CAMKMT: variants seen among roughly 807,000 people sequenced by gnomAD.
CAMKMT encodes the protein CaM KMT.
In CAMKMT, 53 loss-of-function variants were observed where a neutral mutation model predicts 48.0. That is an observed-to-expected ratio of 1.10 (90% confidence interval 0.89 to 1.39). The LOEUF is 1.39. CAMKMT is among the 40% of genes most tolerant of loss of function. The probability of loss-of-function intolerance (pLI) is 0.00; values close to 1 mark genes in which losing one functional copy is unlikely to be tolerated. For synonymous variants in CAMKMT, 165 were observed against 152.3 expected, an observed-to-expected ratio of 1.08 and a Z score of -0.61; for missense variants, 428 against 402.7, an observed-to-expected ratio of 1.06 and a Z score of -0.54.
chr2:44,632,535 T>C (rs1446785783), intron 3 of CAMKMT, among the ~76,000 whole-genome samples: 1 of 152,196 alleles, frequency 6.6e-6, no homozygotes, highest in East Asian at 1.9e-4. Flanking sequence ...ACTTTTTTTG[T>C]GTGACAAGAG....
At chr2:44,492,572 C>T (rs1206286588) in intron 3 of CAMKMT, among the ~76,000 whole-genome samples, 3 of 152,092 alleles carry the variant, frequency 2.0e-5, no homozygotes, top group Non-Finnish European at 4.4e-5. Context: ...ACTAATAGGG[C>T]AAAAGCACTA....
At chr2:44,765,620 T>C (rs1013236714) in intron 9 of CAMKMT, among the ~76,000 whole-genome samples, 6 of 151,910 alleles carry the variant, frequency 3.9e-5, no homozygotes, top group Non-Finnish European at 7.4e-5. Context: ...AGTTAGCAAA[T>C]GGTCATTGTG....
intron 4 of CAMKMT, chr2:44,705,500 C>T (rs1677504686): frequency 1.0e-6 from 1 of 985,258 alleles, no homozygotes; most frequent in Admixed American, 6.2e-5. Context: ...GCGAGAATGT[C>T]ACACGTTAAG....
intron 3 of CAMKMT, among the ~76,000 whole-genome samples, chr2:44,486,538 T>C (rs1014047163): frequency 6.6e-6 from 1 of 152,200 alleles, no homozygotes; most frequent in African/African-American, 2.4e-5. Flanking sequence ...CACAAACTCA[T>C]AGTGTGTACT....
intron 3 of CAMKMT, among the ~76,000 whole-genome samples, chr2:44,564,551 T>C (rs1050771164): frequency 2.0e-5 from 3 of 151,938 alleles, no homozygotes; most frequent in Non-Finnish European, 4.4e-5. Context: ...GTTTGTTTGT[T>C]TGTTTGTTTT....
chr2:44,406,817 G>T (rs749582687), intron 3 of CAMKMT, among the ~76,000 whole-genome samples: 2 of 152,146 alleles, frequency 1.3e-5, no homozygotes, highest in Non-Finnish European at 2.9e-5. Context: ...CAGCCAGGCT[G>T]GTCTAGAACT....
chr2:44,693,613 T>C (rs1676777838), intron 3 of CAMKMT, among the ~76,000 whole-genome samples: 1 of 152,240 alleles, frequency 6.6e-6, no homozygotes, highest in African/African-American at 2.4e-5. Flanking sequence ...CGAAACATTG[T>C]AGATGCCCAA....
At chr2:44,733,824 TC>T (rs1309765275) in intron 7 of CAMKMT, among the ~76,000 whole-genome samples, 2 of 152,186 alleles carry the variant, frequency 1.3e-5, no homozygotes, top group African/African-American at 4.8e-5. Flanking sequence ...ATATGTATGT[TC>T]ATATGTATAT....
chr2:44,530,463 C>T (rs1295395096), intron 3 of CAMKMT, among the ~76,000 whole-genome samples: 2 of 152,130 alleles, frequency 1.3e-5, no homozygotes, highest in Non-Finnish European at 2.9e-5. Flanking sequence ...CTTCTAAAAG[C>T]ATTGTTTAAC....
At chr2:44,739,909 G>C (rs1679578038) in intron 7 of CAMKMT, among the ~76,000 whole-genome samples, 1 of 152,132 alleles carries the variant, frequency 6.6e-6, no homozygotes, top group African/African-American at 2.4e-5. Context: ...GAAAAGAACT[G>C]ATATAGGAAA....
chr2:44,568,824 C>T (rs1668753233), intron 3 of CAMKMT, among the ~76,000 whole-genome samples: 1 of 152,142 alleles, frequency 6.6e-6, no homozygotes, highest in African/African-American at 2.4e-5. Context: ...GGTGTGGGTT[C>T]TGAGAGGCCC....
intron 1 of CAMKMT, among the ~76,000 whole-genome samples, chr2:44,365,894 C>A (rs1373862117): frequency 2.6e-5 from 4 of 152,180 alleles, no homozygotes; most frequent in Non-Finnish European, 4.4e-5. Flanking sequence ...TTTCACAGTT[C>A]AGTTTATATC....
intron 3 of CAMKMT, among the ~76,000 whole-genome samples, chr2:44,650,848 C>G (rs1318201249): frequency 1.0e-5 from 1 of 99,840 alleles, no homozygotes; most frequent in Admixed American, 1.2e-4. Flanking sequence ...ACTTATTGCA[C>G]AAGAAAAAAA....
intron 7 of CAMKMT, among the ~76,000 whole-genome samples, chr2:44,733,481 T>G (rs1679190493): frequency 6.6e-6 from 1 of 152,170 alleles, no homozygotes; most frequent in African/African-American, 2.4e-5. Context: ...CAGTGCAGTG[T>G]TGAAGAATGA....
intron 3 of CAMKMT, among the ~76,000 whole-genome samples, chr2:44,580,300 G>A (rs913581101): frequency 8.5e-6 from 1 of 117,892 alleles, no homozygotes; most frequent in Non-Finnish European, 1.9e-5. Context: ...AATTAGAAAC[G>A]ATAATAATTA....
chr2:44,768,952 C>A (rs1680983955), intron 10 of CAMKMT, among the ~76,000 whole-genome samples: 1 of 152,106 alleles, frequency 6.6e-6, no homozygotes, highest in South Asian at 2.1e-4. Context: ...CGCTCTTTTC[C>A]GCTGTCCCGT....
intron 3 of CAMKMT, among the ~76,000 whole-genome samples, chr2:44,590,608 GT>G (rs1235534065): frequency 6.6e-6 from 1 of 151,988 alleles, no homozygotes; most frequent in Non-Finnish European, 1.5e-5. Flanking sequence ...GGGGTTGTTT[GT>G]TTTTTTCTTG....
At chr2:44,469,555 T>A (rs1034204001) in intron 3 of CAMKMT, among the ~76,000 whole-genome samples, 2 of 152,096 alleles carry the variant, frequency 1.3e-5, no homozygotes, top group Non-Finnish European at 2.9e-5. Context: ...TGTTAAATCT[T>A]CTTCTTTGTG....
chr2:44,557,973 A>G (rs79916229), intron 3 of CAMKMT, among the ~76,000 whole-genome samples: 2 of 152,318 alleles, frequency 1.3e-5, no homozygotes, highest in East Asian at 1.9e-4. Flanking sequence ...GAAAACTTAC[A>G]TAATGAGTTT....
Sources: gnomAD v4.1 joint callset for allele counts (sites outside exome capture counted in the v4.1 genomes callset) on GRCh38, gnomAD v4.1.1 for gene constraint, MANE v1.5 for transcripts, NCBI Gene and HGNC (gene_info 2026-07-23, HGNC 2026-07-21) for gene names.